Variants in TAMALIN observed in about 807,000 individuals in gnomAD.
The protein encoded by TAMALIN is trafficking regulator and scaffold protein tamalin.
TAMALIN carries 9 observed loss-of-function variants against 38.5 expected under a neutral mutation model. The observed-to-expected ratio is 0.23, with a 90% CI of 0.14 to 0.41. TAMALIN has a LOEUF of 0.41. TAMALIN is among the 10% of genes least tolerant of loss of function. TAMALIN has a pLI of 1.00. For synonymous variants in TAMALIN, 306 were observed against 256.5 expected (o/e 1.19, Z -1.85); for missense variants, 548 against 554.1 (o/e 0.99, Z 0.11).
chr12:52,007,506 T>G lies in TAMALIN; in HGVS notation c.246+241T>G. On this transcript the variant is annotated intron_variant, in intron 1 of 7. Transcript: ENST00000293662. This position sits in a 1 kb window ranked among gnomAD's most constrained non-coding sequence, Gnocchi z 6.7. ...GCCCCATGCACGCCCCCTCTCTCCC[T>G]CCTTGACTCCTCCCAGCACCCCCCT... The G allele has an allele frequency of 1.0e-6, 1 of 983,054 alleles. No individual in the cohort carries two copies. The highest frequency in any genetic ancestry group is 1.2e-6 in the Non-Finnish European group (1 of 828,738). The allele number at this position is 983,054 out of a possible 1,614,324, so 60.9% of individuals were successfully genotyped here.
chr12:52,015,095 G>A lies in TAMALIN; in HGVS notation c.1084G>A (p.Gly362Ser), dbSNP rs200789033. The A allele has an allele frequency of 0.01, 16,232 of 1,553,592 alleles. 105 individuals are homozygous for A. Among genetic ancestry groups the A allele is most frequent in the Non-Finnish European group, 0.012 (14,370 of 1,158,106 alleles). The change falls in exon 8 of 8, where the codon GGC becomes AGC. Residue 362 changes from glycine to serine, a missense_variant. Around this residue, in one of 3 missense-constraint regions of TAMALIN, gnomAD observed 415 missense variants for 417.0 expected, o/e 1.00. Transcript: ENST00000293662. ...WTEAREQALC[G>S]PGLRKTKYRS... ...TGAGGCTCGCGAGCAGGCCCTATGC[G>A]GCCCCGGCCTGCGCAAAACCAAGTA... is the stretch of plus-strand genomic sequence containing the variant.
chr12:52,007,198 A>G lies in TAMALIN; in HGVS notation c.179A>G (p.Glu60Gly). Residue 60 changes from glutamate to glycine, a missense_variant, in exon 1 of 8, where the codon GAG (glutamate) becomes GGG (glycine). Glu to Gly is a moderately conservative substitution (Grantham distance 98). Transcript: ENST00000293662. This position sits in a 1 kb window ranked among gnomAD's most constrained non-coding sequence, Gnocchi z 6.7. The stretch of plus-strand genomic sequence containing the variant: ...GCGGACGAGCTGTACGCGGCGCTGG[A>G]GGACTATCACCCTGCCGAGCTGTAC... ...PPADELYAAL[E>G]DYHPAELYRA... 3.3e-6 allele frequency: 5 copies of G among 1,524,520 alleles called. No homozygotes were observed. Among genetic ancestry groups the G allele is most frequent in the Non-Finnish European group, 2.6e-6 (3 of 1,147,468 alleles). 94.4% of individuals were successfully genotyped at this position (1,524,520 alleles called of 1,614,324 possible). A position where few individuals can be genotyped will look rare whatever the true frequency, so the allele number is the denominator to read the frequency against.
Position 52,015,049 on chromosome 12 carries a change from C to A in TAMALIN, c.1038C>A (p.Gly346=). The A allele has an allele frequency of 7.3e-7, 1 of 1,365,240 alleles. No individual in the cohort carries two copies. The highest frequency in any genetic ancestry group is 1.6e-5 in the South Asian group (1 of 62,596). 84.6% of individuals were successfully genotyped at this position (1,365,240 alleles called of 1,614,324 possible). The change falls in exon 8 of 8, where the codon GGC becomes GGA. Residue 346 remains glycine, a synonymous_variant. Transcript: ENST00000293662. ...CAGPGGGGGG[G]APGALWTEAR... is the part of the protein sequence containing the mutation. ...GCCCTGGCGGGGGCGGAGGCGGGGG[C>A]GCGCCGGGCGCGCTCTGGACTGAGG...
rs1942430964 is a variant in TAMALIN at position 52,007,413 on chromosome 12, C to T, written c.246+148C>T. 3 of 1,270,380 alleles carry T rather than the reference C, an allele frequency of 2.4e-6. No individual in the cohort carries two copies. Among genetic ancestry groups the T allele is most frequent in the East Asian group, 6.3e-5 (2 of 31,706 alleles). The allele number at this position is 1,270,380 out of a possible 1,614,324, so 78.7% of individuals were successfully genotyped here. A position where few individuals can be genotyped will look rare whatever the true frequency, so the allele number is the denominator to read the frequency against. Reference sequence around the variant, plus strand: ...CTGGGTGCCTCGACTCCCCGCGTTCCCCGCTGCTGCGAAGGCCGTGGCCCT... The same window carrying T: ...CTGGGTGCCTCGACTCCCCGCGTTCTCCGCTGCTGCGAAGGCCGTGGCCCT... On this transcript the variant is annotated intron_variant, in intron 1 of 7. Coordinates refer to ENST00000293662, the MANE Select transcript of TAMALIN (RefSeq NM_181711.4). The surrounding 1 kb of genome is among the most constrained non-coding windows in gnomAD (Gnocchi z 6.7).
At position 52,007,709 on chromosome 12, in the gene TAMALIN, C is replaced by T; in HGVS notation, c.246+444C>T. On this transcript the variant is annotated intron_variant, in intron 1 of 7. Coordinates refer to ENST00000293662, the MANE Select transcript of TAMALIN (RefSeq NM_181711.4). This position sits in a 1 kb window ranked among gnomAD's most constrained non-coding sequence, Gnocchi z 6.7. ...TGGCTGCGCCGCGTGCGTTCTCACT[C>T]TGAGGAAGTGCGTGGGGAGCCGCTG... 1.0e-6 allele frequency: 1 copy of T among 985,458 alleles called. No homozygotes were observed. The highest frequency in any genetic ancestry group is 1.2e-6 in the Non-Finnish European group (1 of 829,922). 61.0% of individuals were successfully genotyped at this position (985,458 alleles called of 1,614,324 possible). A position where few individuals can be genotyped will look rare whatever the true frequency, so the allele number is the denominator to read the frequency against.
Position 52,007,645 on chromosome 12 carries a change from T to C in TAMALIN, c.246+380T>C, listed in dbSNP as rs2120820720. 1.0e-6 allele frequency: 1 copy of C among 985,258 alleles called. No homozygotes were observed. The highest frequency in any genetic ancestry group is 4.7e-5 in the South Asian group (1 of 21,284). The allele number at this position is 985,258 out of a possible 1,614,324, so 61.0% of individuals were successfully genotyped here. ...AGGGACAGAGACAGCCCCAGGCAAG[T>C]TGAAGGTCCGAGAGCCCCCGGTGGG... is the stretch of plus-strand genomic sequence containing the variant. On this transcript the variant is annotated intron_variant, in intron 1 of 7. Coordinates refer to ENST00000293662, the MANE Select transcript of TAMALIN (RefSeq NM_181711.4). This position sits in a 1 kb window ranked among gnomAD's most constrained non-coding sequence, Gnocchi z 6.7.
Position 52,007,599 on chromosome 12 carries a change from T to G in TAMALIN, c.246+334T>G. ...CCTCCCCGTGGCCAGGTGTCCTGGG[T>G]CCCCAGGAGCCCCTCGCCCGAGGGA... On this transcript the variant is annotated intron_variant, in intron 1 of 7. Transcript: ENST00000293662. This position sits in a 1 kb window ranked among gnomAD's most constrained non-coding sequence, Gnocchi z 6.7. 1.0e-6 allele frequency: 1 copy of G among 984,548 alleles called. No individual in the cohort carries two copies. The highest frequency in any genetic ancestry group is 1.8e-5 in the African/African-American group (1 of 57,138). 61.0% of individuals were successfully genotyped at this position (984,548 alleles called of 1,614,324 possible).
chr12:52,014,318 G>A, intron 7 of TAMALIN, 117 bp downstream of exon 7: 1 of 852,240 alleles, frequency 1.2e-6, no homozygotes, highest in Non-Finnish European at 1.9e-6. Context: ...AACCTCCACA[G>A]TAAAGCAAGG....
chr12:52,006,981 A>AGCCAGCGCCGTCTCTGAGGGGC lies in TAMALIN; in HGVS notation c.-37_-16dup. On this transcript the variant is annotated 5_prime_UTR_variant, in exon 1 of 8. Transcript: ENST00000293662. ...AGCCGCCGCCAGCCCCGCCGAGGGG[A>AGCCAGCGCCGTCTCTGAGGGGC]GCCAGCGCCGTCTCTGAGGGGCGTC... 8.8e-7 allele frequency: 1 copy of AGCCAGCGCCGTCTCTGAGGGGC among 1,131,480 alleles called. No individual in the cohort carries two copies. The highest frequency in any genetic ancestry group is 1.8e-5 in the African/African-American group (1 of 56,422). The allele number at this position is 1,131,480 out of a possible 1,614,324, so 70.1% of individuals were successfully genotyped here.
chr12:52,010,695 C>T (rs1224063278), intron 2 of TAMALIN, 186 bp from the exon 3 acceptor site: 35 of 902,458 alleles, frequency 3.9e-5, no homozygotes, highest in Non-Finnish European at 4.8e-5. Flanking sequence ...CTCTGTGGCT[C>T]CATGAGGCTG....
Position 52,014,358 on chromosome 12 carries a change from G to T in TAMALIN, c.682+157G>T, listed in dbSNP as rs117975109. The stretch of plus-strand genomic sequence containing the variant: ...TTGAGCTACTACTACTTTGGGTACT[G>T]CCGCAGCCACATTTCTGGTTATTCT... On this transcript the variant is annotated intron_variant, in intron 7 of 7. Transcript: ENST00000293662. 6.0e-3 allele frequency: 4,062 copies of T among 680,048 alleles called. 25 individuals are homozygous for T. The highest frequency in any genetic ancestry group is 8.7e-3 in the Non-Finnish European group (3,318 of 380,340). The allele number at this position is 680,048 out of a possible 1,614,324, so 42.1% of individuals were successfully genotyped here. A position where few individuals can be genotyped will look rare whatever the true frequency, so the allele number is the denominator to read the frequency against.
Position 52,015,220 on chromosome 12 carries a change from GTATT to G in TAMALIN, c.*34_*37del, listed in dbSNP as rs780903466. The G allele has an allele frequency of 3.9e-5, 61 of 1,571,358 alleles. No individual in the cohort carries two copies. Among genetic ancestry groups the G allele is most frequent in the East Asian group, 3.7e-4 (16 of 43,498 alleles). On this transcript the variant is annotated 3_prime_UTR_variant, in exon 8 of 8. Coordinates refer to ENST00000293662, the MANE Select transcript of TAMALIN (RefSeq NM_181711.4). ...TGTAGGGGCGGGGGCGGGCAGGGAG[GTATT>G]TATTTATTTATTCGCAACAGCCAGC...
Position 52,007,131 on chromosome 12 carries a change from A to T in TAMALIN, c.112A>T (p.Thr38Ser), listed in dbSNP as rs749902334. 1.3e-6 allele frequency: 2 copies of T among 1,482,746 alleles called. No individual in the cohort carries two copies. Among genetic ancestry groups the T allele is most frequent in the Non-Finnish European group, 1.8e-6 (2 of 1,124,972 alleles). 91.8% of individuals were successfully genotyped at this position (1,482,746 alleles called of 1,614,324 possible). A position where few individuals can be genotyped will look rare whatever the true frequency, so the allele number is the denominator to read the frequency against. The change falls in exon 1 of 8, where the codon ACC (threonine) becomes TCC (serine). Residue 38 changes from threonine (T) to serine (S), a missense_variant. Coordinates refer to ENST00000293662, the MANE Select transcript of TAMALIN (RefSeq NM_181711.4). This position sits in a 1 kb window ranked among gnomAD's most constrained non-coding sequence, Gnocchi z 6.7. ...SEVAPAAPVP[T>S]PGPPAAAATP... Reference sequence around the variant, plus strand: ...AGTCGCGCCCGCCGCTCCGGTCCCGACCCCGGGACCCCCTGCCGCAGCCGC... The same window carrying T: ...AGTCGCGCCCGCCGCTCCGGTCCCGTCCCCGGGACCCCCTGCCGCAGCCGC...
intron 2 of TAMALIN, among the ~76,000 whole-genome samples, chr12:52,010,124 G>C (rs1452694062): frequency 1.3e-5 from 2 of 152,214 alleles, no homozygotes; most frequent in Admixed American, 6.5e-5. Flanking sequence ...GAGCTGGAGT[G>C]GGGAGGTGCT....
intron 1 of TAMALIN, chr12:52,008,595 G>A (rs963469418): frequency 5.1e-6 from 5 of 985,396 alleles, no homozygotes; most frequent in South Asian, 4.7e-5. Flanking sequence ...TCCTTGAAAC[G>A]GCCTGTACCT....
intron 4 of TAMALIN, among the ~76,000 whole-genome samples, chr12:52,012,462 C>A (rs1198842884): frequency 3.3e-5 from 5 of 152,174 alleles, no homozygotes; most frequent in African/African-American, 1.2e-4. Flanking sequence ...CCTTGTTGGC[C>A]AGGCTGGTCT....
At chr12:52,013,337 A>G (rs1592273513) in intron 4 of TAMALIN, among the ~76,000 whole-genome samples, 2 of 152,050 alleles carry the variant, frequency 1.3e-5, no homozygotes, top group South Asian at 4.2e-4. Flanking sequence ...TCGGCCTCCC[A>G]AAGTGCTGGG....
At chr12:52,009,104 G>C (rs1942458262) in intron 1 of TAMALIN, 86 bp from the exon 2 acceptor site, 2 of 1,271,986 alleles carry the variant, frequency 1.6e-6, no homozygotes, top group Middle Eastern at 1.9e-4. Flanking sequence ...GACAGGAAGT[G>C]GGTCGCTGTG....
rs1330141164 is a variant in TAMALIN at position 52,007,112 on chromosome 12, G to C, written c.93G>C (p.Ala31=). ...CCCGGACTCCCGACTCGGAAGTCGC[G>C]CCCGCCGCTCCGGTCCCGACCCCGG... ...PAARTPDSEV[A]PAAPVPTPGP... The change falls in exon 1 of 8, where the codon GCG becomes GCC. Residue 31 remains alanine, a synonymous_variant. Coordinates refer to ENST00000293662, the MANE Select transcript of TAMALIN (RefSeq NM_181711.4). The surrounding 1 kb of genome is among the most constrained non-coding windows in gnomAD (Gnocchi z 6.7). The C allele has an allele frequency of 4.1e-6, 6 of 1,480,404 alleles. No homozygotes were observed. In the South Asian group the frequency reaches 7.7e-5, roughly 19 times the overall value. The allele number at this position is 1,480,404 out of a possible 1,614,324, so 91.7% of individuals were successfully genotyped here.
Sources: allele counts gnomAD v4.1 joint callset (sites outside exome capture counted in the v4.1 genomes callset), GRCh38; gene constraint gnomAD v4.1.1; regional missense constraint gnomAD v4.1.1; non-coding constraint Gnocchi (gnomAD v3.1); transcripts MANE v1.5; gene names NCBI Gene and HGNC (gene_info 2026-07-23, HGNC 2026-07-21).